Variants in DBF4B observed in about 807,000 individuals in gnomAD.
DBF4B encodes the protein protein DBF4 homolog B.
In DBF4B, 49 loss-of-function variants were observed where a neutral mutation model predicts 53.4. The observed-to-expected ratio is 0.92, with a 90% CI of 0.73 to 1.16. The LOEUF is 1.16. Ranked by LOEUF, DBF4B falls within the 50% of genes most tolerant of loss-of-function variation. The pLI, the probability that DBF4B is intolerant of heterozygous loss-of-function variation, is 0.00. For synonymous variants in DBF4B, 257 were observed against 288.7 expected (o/e 0.89, Z 1.11); for missense variants, 692 against 775.0 (o/e 0.89, Z 1.27).
chr17:44,738,373 T>C lies in DBF4B; in HGVS notation c.668-6T>C, dbSNP rs1975670777. On this transcript the variant is annotated splice_polypyrimidine_tract_variant and splice_region_variant and intron_variant, in intron 8 of 13. Coordinates refer to ENST00000315005, the MANE Select transcript of DBF4B (RefSeq NM_145663.3). ...ATAGCTGATGTGTGCATTCTTCCCC[T>C]TTCAGTGGCCAGACTGAAGGCCCCG... The C allele has an allele frequency of 6.2e-7, 1 of 1,613,202 alleles. No homozygotes were observed. The highest frequency in any genetic ancestry group is 1.3e-5 in the African/African-American group (1 of 74,930).
chr17:44,713,034 C>G (rs970298184), intron 2 of DBF4B, among the ~76,000 whole-genome samples: 10 of 103,902 alleles, frequency 9.6e-5, no homozygotes, highest in African/African-American at 3.7e-4. Flanking sequence ...TTTGTATTGA[C>G]TTTTTTTTTT....
intron 6 of DBF4B, chr17:44,733,009 C>T (rs4545869): frequency 6.6e-6 from 1 of 151,020 alleles, no homozygotes; most frequent in East Asian, 2.0e-4. Context: ...ACTAAAAATA[C>T]AAAAAATCAG....
intron 10 of DBF4B, among the ~76,000 whole-genome samples, chr17:44,742,272 T>C (rs566687537): frequency 1.3e-5 from 2 of 151,852 alleles, no homozygotes; most frequent in Admixed American, 1.3e-4. Flanking sequence ...TAGCCAGGCA[T>C]TGTGGTGCAC....
chr17:44,731,871 C>T (rs115356891), intron 5 of DBF4B: 151 of 302,062 alleles, frequency 5.0e-4, no homozygotes, highest in African/African-American at 3.0e-3. Context: ...GAGCTTTCCT[C>T]GCAGAGGCCC....
At chr17:44,733,600 A>G (rs1389031126) in intron 6 of DBF4B, 1 of 156,868 alleles carries the variant, frequency 6.4e-6, no homozygotes, top group African/African-American at 2.4e-5. Context: ...TAGAGGCTGT[A>G]CAGGGGAAGT....
chr17:44,715,823 T>C (rs1042423272), intron 2 of DBF4B, among the ~76,000 whole-genome samples: 3 of 125,450 alleles, frequency 2.4e-5, no homozygotes, highest in African/African-American at 9.1e-5. Flanking sequence ...TTTTTTTTTT[T>C]TTTTTTTTTT....
chr17:44,744,675 A>C (rs1976431347), intron 10 of DBF4B, among the ~76,000 whole-genome samples: 1 of 152,170 alleles, frequency 6.6e-6, no homozygotes, highest in African/African-American at 2.4e-5. Flanking sequence ...AGCGGATACC[A>C]ACTTATATGT....
chr17:44,714,447 G>T (rs1973156494), intron 2 of DBF4B, among the ~76,000 whole-genome samples: 1 of 151,178 alleles, frequency 6.6e-6, no homozygotes, highest in South Asian at 2.1e-4. Flanking sequence ...ATATGCCGAT[G>T]TGGTAACAGT....
chr17:44,747,173 C>T lies in DBF4B; in HGVS notation c.921C>T (p.Ala307=), dbSNP rs1222472483. The change falls in exon 11 of 14, where the codon GCC becomes GCT. Residue 307 remains alanine (A), a synonymous_variant. Coordinates refer to ENST00000315005, the MANE Select transcript of DBF4B (RefSeq NM_145663.3). The stretch of plus-strand genomic sequence containing the variant: ...GCTACTGCGAGTGCTGTCAGGAGGC[C>T]TTCGAGGAGCTCCATGTGGTGAGCC... ...KKGYCECCQE[A]FEELHVHLQS... 2 of 1,614,048 alleles carry T rather than the reference C, an allele frequency of 1.2e-6. No homozygotes were observed. The highest frequency in any genetic ancestry group is 2.2e-5 in the East Asian group (1 of 44,892).
intron 4 of DBF4B, 86 bp from the exon 5 acceptor site, chr17:44,730,879 A>C (rs1389862720): frequency 2.8e-6 from 4 of 1,422,244 alleles, no homozygotes; most frequent in Non-Finnish European, 3.9e-6. Flanking sequence ...ACCCCAAGAC[A>C]TAACCCCTCA....
In DBF4B at chr17:44,718,463, A is replaced by C. The variant is rs929282437; in HGVS notation, c.83-4417A>C. Among the ~76,000 whole-genome samples the C allele has an allele frequency of 3.3e-5, 5 of 151,032 alleles. 1 individual carries two copies. The highest frequency in any genetic ancestry group is 7.4e-5 in the Non-Finnish European group (5 of 67,794). On this transcript the variant is annotated intron_variant, in intron 2 of 13. Transcript: ENST00000315005. ...AAGGTTACATATTGCCTTTAATTATATCTCGTTAGTCTCCTCCTGAGAGGA... is the reference window on the plus strand; with the variant it reads ...AAGGTTACATATTGCCTTTAATTATCTCTCGTTAGTCTCCTCCTGAGAGGA...
chr17:44,727,864 A>ATTTT (rs756222247), intron 3 of DBF4B, among the ~76,000 whole-genome samples: 7 of 106,736 alleles, frequency 6.6e-5, no homozygotes, highest in East Asian at 2.5e-4. Flanking sequence ...TGCCCGGGTA[A>ATTTT]TTTTTTTTTT....
intron 6 of DBF4B, chr17:44,732,747 T>G: frequency 6.5e-6 from 1 of 153,642 alleles, no homozygotes; most frequent in Non-Finnish European, 1.4e-5. Context: ...GTGCCTGTAA[T>G]CCCAGCTACT....
intron 2 of DBF4B, chr17:44,719,746 G>T: frequency 5.4e-6 from 1 of 185,150 alleles, no homozygotes; most frequent in South Asian, 1.3e-4. Flanking sequence ...AATGTTATTA[G>T]GTTCTTAAGA....
chr17:44,713,410 T>C (rs1023755105), intron 2 of DBF4B, among the ~76,000 whole-genome samples: 7 of 151,604 alleles, frequency 4.6e-5, no homozygotes, highest in African/African-American at 1.7e-4. Flanking sequence ...CCCAGCACTT[T>C]GGGAGGCTGA....
intron 7 of DBF4B, among the ~76,000 whole-genome samples, chr17:44,736,056 A>G (rs1022365430): frequency 8.6e-5 from 13 of 151,504 alleles, no homozygotes; most frequent in African/African-American, 3.2e-4. Context: ...ATCTCTGTTC[A>G]CTGCAACCTC....
intron 12 of DBF4B, 136 bp from the exon 13 acceptor site, chr17:44,748,204 TC>T: frequency 8.3e-7 from 1 of 1,206,374 alleles, no homozygotes; most frequent in East Asian, 2.4e-5. Flanking sequence ...AGGAGGACTT[TC>T]ACACAGGGCC....
rs1368127721 is a variant in DBF4B at position 44,749,436 on chromosome 17, C to CAGAA, written c.1189+972_1189+975dup. ...AGGGCTGACCAGGACGCAGGAGGGG[C>CAGAA]AGAACCCCAGGACTTCCCCAAAAGA... On this transcript the variant is annotated intron_variant, in intron 13 of 13. Coordinates refer to ENST00000315005, the MANE Select transcript of DBF4B (RefSeq NM_145663.3). This position sits in a 1 kb window ranked among gnomAD's most constrained non-coding sequence, Gnocchi z 4.4. 2 of 1,289,394 alleles carry CAGAA rather than the reference C, an allele frequency of 1.6e-6. No individual in the cohort carries two copies. The highest frequency in any genetic ancestry group is 2.1e-4 in the Middle Eastern group (1 of 4,696). 79.9% of individuals were successfully genotyped at this position (1,289,394 alleles called of 1,614,324 possible).
chr17:44,751,726 A>G lies in DBF4B; in HGVS notation c.*473A>G, dbSNP rs2145185461. 3 of 1,444,536 alleles carry G rather than the reference A, an allele frequency of 2.1e-6. No individual in the cohort carries two copies. The highest frequency in any genetic ancestry group is 2.8e-5 in the African/African-American group (2 of 70,248). The allele number at this position is 1,444,536 out of a possible 1,614,324, so 89.5% of individuals were successfully genotyped here. ...TCCTCTTCACCTCCTTCCCTTCCAC[A>G]CTTCCTTCCTGGGTAGCTCTGCCTG... On this transcript the variant is annotated 3_prime_UTR_variant, in exon 14 of 14. Transcript: ENST00000315005.
Sources: allele counts gnomAD v4.1 joint callset (sites outside exome capture counted in the v4.1 genomes callset), GRCh38; gene constraint gnomAD v4.1.1; non-coding constraint Gnocchi (gnomAD v3.1); transcripts MANE v1.5; gene names NCBI Gene and HGNC (gene_info 2026-07-23, HGNC 2026-07-21).